Variants in ZCCHC24 observed in about 807,000 individuals in gnomAD.
ZCCHC24 encodes the protein zinc finger CCHC-type containing 24.
ZCCHC24 carries 10 observed loss-of-function variants against 26.2 expected under a neutral mutation model. That is an observed-to-expected ratio of 0.38 (90% confidence interval 0.24 to 0.65). ZCCHC24 has a LOEUF of 0.65. Among genes scored for constraint, ZCCHC24 ranks in the 30% least tolerant of loss-of-function variants. The probability of loss-of-function intolerance (pLI) is 0.54; values close to 1 mark genes in which losing one functional copy is unlikely to be tolerated. For missense variants in ZCCHC24, 243 were observed against 329.1 expected (o/e 0.74, Z 2.03); for synonymous variants, 144 against 147.1 (o/e 0.98, Z 0.15).
intron 3 of ZCCHC24, among the ~76,000 whole-genome samples, chr10:79,389,054 C>A (rs557108882): frequency 6.6e-6 from 1 of 152,362 alleles, no homozygotes; most frequent in Admixed American, 6.5e-5. Context: ...GTGCCCACCC[C>A]AGACTGCAGC....
At chr10:79,406,107 C>A (rs1005169982) in intron 2 of ZCCHC24, among the ~76,000 whole-genome samples, 1 of 152,228 alleles carries the variant, frequency 6.6e-6, no homozygotes. Flanking sequence ...GTCTCCCCTG[C>A]GTGCTGGGGC....
intron 2 of ZCCHC24, among the ~76,000 whole-genome samples, chr10:79,427,528 A>C (rs1027923506): frequency 6.6e-6 from 1 of 152,214 alleles, no homozygotes; most frequent in African/African-American, 2.4e-5. Context: ...GAAATCACTA[A>C]AAGATGTGTG....
intron 2 of ZCCHC24, among the ~76,000 whole-genome samples, chr10:79,425,710 C>T (rs528760501): frequency 6.6e-6 from 1 of 152,284 alleles, no homozygotes; most frequent in South Asian, 2.1e-4. Flanking sequence ...CAATTTTTGA[C>T]AGCATTAAAT....
chr10:79,417,209 G>A (rs9633548), intron 2 of ZCCHC24, among the ~76,000 whole-genome samples: 14,011 of 85,370 alleles, frequency 0.16, 3,392 homozygotes, highest in East Asian at 0.27. Flanking sequence ...GGGAGGGAGG[G>A]GCACAAGGCT....
intron 3 of ZCCHC24, among the ~76,000 whole-genome samples, chr10:79,388,158 T>C (rs1315733921): frequency 6.6e-6 from 1 of 152,152 alleles, no homozygotes; most frequent in East Asian, 1.9e-4. Flanking sequence ...GGGATGCTGA[T>C]AACAGCTTTC....
chr10:79,434,784 G>A (rs1317505018), intron 1 of ZCCHC24, among the ~76,000 whole-genome samples: 2 of 152,158 alleles, frequency 1.3e-5, no homozygotes, highest in African/African-American at 4.8e-5. Context: ...GTGTACAGTT[G>A]AGTGGCATTA....
At chr10:79,392,899 T>A (rs1258254739) in intron 3 of ZCCHC24, among the ~76,000 whole-genome samples, 2 of 152,220 alleles carry the variant, frequency 1.3e-5, no homozygotes, top group Non-Finnish European at 2.9e-5. Context: ...TTGAGGACCA[T>A]CGCCTTATTG....
chr10:79,414,233 AT>A (rs1312578748), intron 2 of ZCCHC24, among the ~76,000 whole-genome samples: 1 of 152,392 alleles, frequency 6.6e-6, no homozygotes, highest in East Asian at 1.9e-4. Context: ...ATTTTAAAAA[AT>A]ATTAGTGCCA....
intron 2 of ZCCHC24, among the ~76,000 whole-genome samples, chr10:79,396,786 A>C (rs1407640527): frequency 6.6e-6 from 1 of 152,218 alleles, no homozygotes; most frequent in Admixed American, 6.5e-5. Flanking sequence ...CCATTTATGA[A>C]GTGGTGCATA....
At chr10:79,411,928 A>G (rs1856799600) in intron 2 of ZCCHC24, among the ~76,000 whole-genome samples, 2 of 152,116 alleles carry the variant, frequency 1.3e-5, no homozygotes, top group East Asian at 3.9e-4. Flanking sequence ...CAGTCCCTGG[A>G]GCACCCCACA....
At chr10:79,412,624 G>A (rs530279509) in intron 2 of ZCCHC24, among the ~76,000 whole-genome samples, 6 of 152,290 alleles carry the variant, frequency 3.9e-5, no homozygotes, top group South Asian at 2.1e-4. Context: ...TTCCCTGGCC[G>A]TGGACTGCCT....
At chr10:79,393,699 G>A (rs751828121) in intron 3 of ZCCHC24, among the ~76,000 whole-genome samples, 28 of 152,184 alleles carry the variant, frequency 1.8e-4, no homozygotes, top group African/African-American at 4.1e-4. Flanking sequence ...CCTCTCCTGC[G>A]CTTTCACTGA....
chr10:79,386,499 A>G (rs757631683), intron 3 of ZCCHC24, 41 bp from the exon 4 acceptor site: 12 of 1,480,574 alleles, frequency 8.1e-6, no homozygotes, highest in Admixed American at 5.9e-5. Context: ...GAGTGAGGGG[A>G]GAGAAAGACA....
chr10:79,439,061 T>C (rs1857256412), intron 1 of ZCCHC24, among the ~76,000 whole-genome samples: 1 of 152,352 alleles, frequency 6.6e-6, no homozygotes, highest in East Asian at 1.9e-4. Flanking sequence ...GCAGCCTCCA[T>C]TGCAGGGATC....
At chr10:79,436,489 C>A (rs1253134675) in intron 1 of ZCCHC24, among the ~76,000 whole-genome samples, 1 of 152,260 alleles carries the variant, frequency 6.6e-6, no homozygotes, top group African/African-American at 2.4e-5. Flanking sequence ...CCAGTCAGCA[C>A]TGCGGTTGGC....
chr10:79,402,329 G>A (rs1369639264), intron 2 of ZCCHC24, among the ~76,000 whole-genome samples: 1 of 152,012 alleles, frequency 6.6e-6, no homozygotes, highest in African/African-American at 2.4e-5. Context: ...AGGCTGGAGT[G>A]CAGTGGCGTG....
At chr10:79,405,752 G>T (rs1190261244) in intron 2 of ZCCHC24, among the ~76,000 whole-genome samples, 1 of 152,232 alleles carries the variant, frequency 6.6e-6, no homozygotes, top group African/African-American at 2.4e-5. Flanking sequence ...TGGGAGGAGG[G>T]GACAGGGGAG....
chr10:79,406,259 T>C (rs1856710568), intron 2 of ZCCHC24, among the ~76,000 whole-genome samples: 2 of 152,210 alleles, frequency 1.3e-5, no homozygotes, highest in Non-Finnish European at 1.5e-5. Flanking sequence ...TTTCTCCCTG[T>C]TGCCCAATTC....
chr10:79,399,973 G>T (rs1488287885), intron 2 of ZCCHC24, among the ~76,000 whole-genome samples: 1 of 152,196 alleles, frequency 6.6e-6, no homozygotes, highest in Non-Finnish European at 1.5e-5. Context: ...CTGCTGAGGG[G>T]GCCTTTGCCC....
Sources: allele counts gnomAD v4.1 joint callset (sites outside exome capture counted in the v4.1 genomes callset), GRCh38; gene constraint gnomAD v4.1.1; transcripts MANE v1.5; gene names NCBI Gene and HGNC (gene_info 2026-07-23, HGNC 2026-07-21).